GYS2: variants seen among roughly 807,000 people sequenced by gnomAD.
GYS2 encodes the protein glycogen synthase 2.
In GYS2, 80 loss-of-function variants were observed where a neutral mutation model predicts 85.6. The observed-to-expected ratio is 0.93, with a 90% CI of 0.78 to 1.13. GYS2 has a LOEUF of 1.13. Ranked by LOEUF, GYS2 falls within the 50% of genes most tolerant of loss-of-function variation. GYS2 has a pLI of 0.00. For synonymous variants in GYS2, 328 were observed against 300.7 expected, an observed-to-expected ratio of 1.09 and a Z score of -0.94; for missense variants, 881 against 854.9, an observed-to-expected ratio of 1.03 and a Z score of -0.38.
At chr12:21,565,256 GAGAT>G (rs1021439610) in intron 5 of GYS2, among the ~76,000 whole-genome samples, 1 of 151,016 alleles carries the variant, frequency 6.6e-6, no homozygotes, top group African/African-American at 2.4e-5. Flanking sequence ...AAGAGAGAGA[GAGAT>G]AGATAATTTT....
chr12:21,602,596 G>A (rs1180749957), intron 1 of GYS2, among the ~76,000 whole-genome samples: 1 of 151,894 alleles, frequency 6.6e-6, no homozygotes, highest in Non-Finnish European at 1.5e-5. Flanking sequence ...AAATCACATT[G>A]TGGGGACCTC....
intron 1 of GYS2, among the ~76,000 whole-genome samples, chr12:21,589,779 C>T (rs899786291): frequency 2.6e-5 from 4 of 152,120 alleles, no homozygotes; most frequent in African/African-American, 7.2e-5. Flanking sequence ...GCCCAGCAAT[C>T]GCACAAAGGC....
Position 21,563,240 on chromosome 12 carries a change from C to T in GYS2, c.929G>A (p.Gly310Asp), listed in dbSNP as rs1024361436. Residue 310 changes from glycine (G) to aspartate (D), a missense_variant, in exon 6 of 16, where the codon GGT (glycine) becomes GAT (aspartate). By Grantham distance (94) the Gly-to-Asp change is moderately conservative. Transcript: ENST00000261195. ...YKARIQDFVRGHFYGHLDFDL... is the reference protein window; with the variant it reads ...YKARIQDFVRDHFYGHLDFDL... ...AAGAAAATCATACCCATAGAAATGACCTCGAACAAAATCTTGGATTCTGGC... is the reference window on the plus strand; with the variant it reads ...AAGAAAATCATACCCATAGAAATGATCTCGAACAAAATCTTGGATTCTGGC... 1.3e-6 allele frequency: 2 copies of T among 1,593,884 alleles called. No homozygotes were observed. The highest frequency in any genetic ancestry group is 1.7e-6 in the Non-Finnish European group (2 of 1,161,898).
intron 1 of GYS2, among the ~76,000 whole-genome samples, chr12:21,582,253 T>C (rs564830714): frequency 6.6e-6 from 1 of 152,258 alleles, no homozygotes; most frequent in South Asian, 2.1e-4. Context: ...GTGAGGGTGT[T>C]ACCAAAGGAG....
At chr12:21,533,854 A>G (rs1366215244), downstream of GYS2, among the ~76,000 whole-genome samples, 1 of 152,200 alleles carries the variant, frequency 6.6e-6, no homozygotes, top group Non-Finnish European at 1.5e-5. Context: ...GGAGCCTGAG[A>G]AGTTCAAGAT....
At position 21,568,935 on chromosome 12, in the gene GYS2, G is replaced by T; in HGVS notation, c.753C>A (p.Cys251Ter). 1.2e-6 allele frequency: 2 copies of T among 1,612,610 alleles called. No individual in the cohort carries two copies. The highest frequency in any genetic ancestry group is 2.2e-5 in the East Asian group (1 of 44,868). ...RYCMERASVH[C>*]AHVFTTVSEI... ...CAGAAACCGTGGTGAACACGTGAGC[G>T]CAATGAACGGAAGCTCGCTCCATGC... The change falls in exon 5 of 16, where the codon TGC (cysteine) becomes TGA (stop). Residue 251 changes from cysteine (C) to a stop codon, truncating the protein, a stop_gained. Transcript: ENST00000261195. LOFTEE classifies it high-confidence loss of function.
At chr12:21,552,557 A>T (rs1944125169) in intron 11 of GYS2, among the ~76,000 whole-genome samples, 1 of 152,230 alleles carries the variant, frequency 6.6e-6, no homozygotes, top group African/African-American at 2.4e-5. Context: ...TTCTGCATTG[A>T]TGGGAGTTTC....
intron 3 of GYS2, among the ~76,000 whole-genome samples, chr12:21,575,064 G>C (rs751547871): frequency 3.3e-5 from 5 of 151,940 alleles, no homozygotes; most frequent in Admixed American, 6.6e-5. Flanking sequence ...ATAAAATGCC[G>C]TTACATCATT....
intron 3 of GYS2, among the ~76,000 whole-genome samples, chr12:21,574,862 T>G (rs1304850038): frequency 6.6e-6 from 1 of 151,860 alleles, no homozygotes; most frequent in Non-Finnish European, 1.5e-5. Flanking sequence ...GTCCCAATTA[T>G]GGAGAAGCAA....
intron 3 of GYS2, among the ~76,000 whole-genome samples, chr12:21,575,468 G>C (rs970356004): frequency 6.6e-6 from 1 of 152,114 alleles, no homozygotes; most frequent in African/African-American, 2.4e-5. Context: ...ACTTAAAACA[G>C]TGGTTATCAC....
chr12:21,560,984 T>A (rs1944246080), intron 7 of GYS2, among the ~76,000 whole-genome samples: 1 of 152,196 alleles, frequency 6.6e-6, no homozygotes, highest in South Asian at 2.1e-4. Flanking sequence ...TGTTGATTGA[T>A]GACAGATAGA....
intron 2 of GYS2, among the ~76,000 whole-genome samples, chr12:21,579,680 G>T (rs1366178485): frequency 6.6e-6 from 1 of 151,814 alleles, no homozygotes; most frequent in African/African-American, 2.4e-5. Flanking sequence ...TACTTCTATA[G>T]GCCACCTATA....
chr12:21,558,911 A>C (rs982937141), intron 10 of GYS2, among the ~76,000 whole-genome samples, 180 bp downstream of exon 10: 6 of 152,208 alleles, frequency 3.9e-5, no homozygotes, highest in Non-Finnish European at 1.5e-5. Context: ...GTTTTAAAGG[A>C]GCTCTTAAAA....
intron 5 of GYS2, among the ~76,000 whole-genome samples, chr12:21,564,073 G>T (rs1289637370): frequency 2.0e-5 from 3 of 152,148 alleles, no homozygotes; most frequent in Non-Finnish European, 4.4e-5. Context: ...TGACAAGAAA[G>T]AGAGGGACCA....
At chr12:21,571,248 G>A (rs113110411) in intron 4 of GYS2, among the ~76,000 whole-genome samples, 2,124 of 152,242 alleles carry the variant, frequency 0.014, 18 homozygotes, top group Non-Finnish European at 0.021. Flanking sequence ...TCTGTAGTAC[G>A]CGTGGCCACT....
chr12:21,550,982 A>T (rs1335357031), intron 11 of GYS2, among the ~76,000 whole-genome samples: 6 of 149,430 alleles, frequency 4.0e-5, no homozygotes, highest in African/African-American at 1.5e-4. Context: ...CTATTTTTAC[A>T]CAAGCACTCT....
intron 14 of GYS2, among the ~76,000 whole-genome samples, chr12:21,539,853 C>T (rs976768900): frequency 1.3e-5 from 2 of 152,158 alleles, no homozygotes; most frequent in South Asian, 2.1e-4. Context: ...CTCATTCAGC[C>T]AAGAGTGTTC....
chr12:21,547,046 C>T (rs1189226872), intron 11 of GYS2, among the ~76,000 whole-genome samples: 1 of 152,188 alleles, frequency 6.6e-6, no homozygotes, highest in Non-Finnish European at 1.5e-5. Context: ...CTGCTTCTTT[C>T]TGTCCCACTG....
In GYS2 at chr12:21,558,196, C is replaced by A; in HGVS notation, c.1422+4G>T. 1 of 1,548,964 alleles carries A rather than the reference C, an allele frequency of 6.5e-7. No homozygotes were observed. The highest frequency in any genetic ancestry group is 1.1e-5 in the South Asian group (1 of 89,682). On this transcript the variant is annotated splice_donor_region_variant and intron_variant, in intron 11 of 15. Transcript: ENST00000261195. ...AAGTTCGCCACATGAACAATTTGTT[C>A]TACCTTGACTCTATCTGTGCGGTTG...
Sources: allele counts gnomAD v4.1 joint callset (sites outside exome capture counted in the v4.1 genomes callset), GRCh38; gene constraint gnomAD v4.1.1; transcripts MANE v1.5; gene names NCBI Gene and HGNC (gene_info 2026-07-23, HGNC 2026-07-21).